GPAA1: variants seen among roughly 807,000 people sequenced by gnomAD.
GPAA1 encodes glycosylphosphatidylinositol anchor attachment 1.
A neutral mutation model predicts 64.0 loss-of-function variants in GPAA1; 54 were observed. The observed-to-expected ratio is 0.84, with a 90% CI of 0.68 to 1.06. The LOEUF is 1.06. Among genes scored for constraint, GPAA1 ranks in the 50% least tolerant of loss-of-function variants. The pLI is 0.00. For missense variants in GPAA1, 780 were observed against 822.3 expected, an observed-to-expected ratio of 0.95 and a Z score of 0.63; for synonymous variants, 393 against 377.3, an observed-to-expected ratio of 1.04 and a Z score of -0.48.
chr8:144,082,654 G>T lies in GPAA1; in HGVS notation c.-77G>T, dbSNP rs1050352054. On this transcript the variant is annotated 5_prime_UTR_variant, in exon 1 of 12. Transcript: ENST00000355091. The stretch of plus-strand genomic sequence containing the variant: ...CGGGCGAGCGCGGGTCCCCGGGTCT[G>T]ACAGGAGCAGCCTGTGGGCACCGCG... The T allele has an allele frequency of 2.3e-5, 25 of 1,097,134 alleles. No individual in the cohort carries two copies. The highest frequency in any genetic ancestry group is 1.4e-4 in the South Asian group (7 of 51,332). The allele number at this position is 1,097,134 out of a possible 1,614,324, so 68.0% of individuals were successfully genotyped here. A position where few individuals can be genotyped will look rare whatever the true frequency, so the allele number is the denominator to read the frequency against.
intron 3 of GPAA1, 94 bp from the exon 4 acceptor site, chr8:144,083,620 G>A: frequency 3.5e-6 from 5 of 1,429,446 alleles, no homozygotes; most frequent in South Asian, 1.2e-5. Context: ...GGAAATCCCT[G>A]GTGGGCACTG....
intron 4 of GPAA1, 21 bp from the exon 5 acceptor site, chr8:144,083,918 G>T: frequency 6.2e-7 from 1 of 1,613,230 alleles, no homozygotes; most frequent in Middle Eastern, 1.7e-4. Flanking sequence ...AGACCCTGCT[G>T]ATCCTGCTTC....
At position 144,085,346 on chromosome 8, in the gene GPAA1, G is replaced by A. The variant is rs977248690; in HGVS notation, c.1318G>A (p.Ala440Thr). The stretch of plus-strand genomic sequence containing the variant: ...GCTGATCTCACAGGCCATGGGACTG[G>A]CCCTCTATGTCCTGCCAGTGCTGGG... ...PLLISQAMGL[A>T]LYVLPVLGQH... Residue 440 changes from alanine to threonine, a missense_variant, in exon 10 of 12, where the codon GCC (alanine) becomes ACC (threonine). Transcript: ENST00000355091. 4 of 1,610,038 alleles carry A rather than the reference G, an allele frequency of 2.5e-6. No individual in the cohort carries two copies. The African/African-American group carries it at 5.3e-5, about 21-fold the overall frequency.
rs782123255 is a variant in GPAA1, at chr8:144,086,086, C to T, written c.1827C>T (p.Pro609=). The T allele has an allele frequency of 8.7e-6, 14 of 1,613,722 alleles. No individual in the cohort carries two copies. In the Admixed American group the frequency reaches 2.3e-4, roughly 27 times the overall value. ...CACTGCTGTCCCTGGGCCTCTACCC[C>T]TGCTGGCTGCTTTTCTGGAATGTGC... ...LFPLLSLGLY[P]CWLLFWNVLF... Residue 609 remains proline (P), a synonymous_variant, in exon 12 of 12, where the codon CCC becomes CCT. Transcript: ENST00000355091.
chr8:144,084,645 G>A (rs566066797), intron 7 of GPAA1, 36 bp downstream of exon 7: 3 of 1,605,856 alleles, frequency 1.9e-6, no homozygotes, highest in South Asian at 2.2e-5. Context: ...CCATGCCCAG[G>A]ATGGGGTCTA....
At chr8:144,085,214 G>A in intron 9 of GPAA1, 75 bp from the exon 10 acceptor site, 1 of 1,481,854 alleles carries the variant, frequency 6.7e-7, no homozygotes, top group Non-Finnish European at 9.2e-7. Context: ...CTTAGCCTCA[G>A]CTGGTGGGAT....
In GPAA1 at chr8:144,083,959, G is replaced by A. The variant is rs530359837; in HGVS notation, c.535G>A (p.Asp179Asn). The A allele has an allele frequency of 4.3e-6, 7 of 1,614,092 alleles. No homozygotes were observed. The highest frequency in any genetic ancestry group is 5.9e-6 in the Non-Finnish European group (7 of 1,179,980). The change falls in exon 5 of 12, where the codon GAT becomes AAT. Residue 179 changes from aspartate to asparagine, a missense_variant. Coordinates refer to ENST00000355091, the MANE Select transcript of GPAA1 (RefSeq NM_003801.4). The stretch of plus-strand genomic sequence containing the variant: ...TCCAGGGCAGATTTATTGGGCCAAA[G>A]ATATCGTCTTCCTGGTAACAGAACA... ...HFRGQIYWAK[D>N]IVFLVTEHDL...
At position 144,083,224 on chromosome 8, in the gene GPAA1, A is replaced by G. The variant is rs1554763780; in HGVS notation, c.175A>G (p.Met59Val). The G allele has an allele frequency of 4.3e-6, 7 of 1,611,052 alleles. No individual in the cohort carries two copies. Among genetic ancestry groups the G allele is most frequent in the Admixed American group, 1.7e-5 (1 of 59,884 alleles). Reference sequence around the variant, plus strand: ...GTCGGAGAACGCCATGGGCTCCACCATGGTGGAGGAGCAGTTTGCGGGCGG... The same window carrying G: ...GTCGGAGAACGCCATGGGCTCCACCGTGGTGGAGGAGCAGTTTGCGGGCGG... Reference protein sequence around the residue: ...YMSENAMGSTMVEEQFAGGDR... With the variant: ...YMSENAMGSTVVEEQFAGGDR... The change falls in exon 2 of 12, where the codon ATG becomes GTG. Residue 59 changes from methionine to valine, a missense_variant. Coordinates refer to ENST00000355091, the MANE Select transcript of GPAA1 (RefSeq NM_003801.4).
Position 144,084,547 on chromosome 8 carries a change from C to G in GPAA1, c.948C>G (p.Ala316=). Reference sequence around the variant, plus strand: ...TCTTCCTGCGCTACCGTGTGGAGGCCCTAACCCTGCGTGGCATCAATAGCT... The same window carrying G: ...TCTTCCTGCGCTACCGTGTGGAGGCGCTAACCCTGCGTGGCATCAATAGCT... ...HGLFLRYRVE[A]LTLRGINSFR... Residue 316 remains alanine (A), a synonymous_variant, in exon 7 of 12, where the codon GCC becomes GCG. Coordinates refer to ENST00000355091, the MANE Select transcript of GPAA1 (RefSeq NM_003801.4). The G allele has an allele frequency of 1.2e-6, 2 of 1,614,010 alleles. No individual in the cohort carries two copies. The highest frequency in any genetic ancestry group is 3.3e-4 in the Middle Eastern group (2 of 6,062).
At chr8:144,084,906 AC>A in intron 8 of GPAA1, 31 bp downstream of exon 8, 4 of 1,610,328 alleles carry the variant, frequency 2.5e-6, no homozygotes, top group Non-Finnish European at 3.4e-6. Context: ...TCTACCTGTG[AC>A]CAGCCTCCAG....
rs1835928039 is a variant in GPAA1 at position 144,082,687 on chromosome 8, T to C, written c.-44T>C. On this transcript the variant is annotated 5_prime_UTR_variant, in exon 1 of 12. Transcript: ENST00000355091. ...CAGCCTGTGGGCACCGCGGCGGTAG[T>C]TGGAGGCGGGAGAGGGTCCGTAGCC... 1.4e-5 allele frequency: 18 copies of C among 1,315,506 alleles called. No homozygotes were observed. Among genetic ancestry groups the C allele is most frequent in the Admixed American group, 3.0e-5 (1 of 33,344 alleles). The allele number at this position is 1,315,506 out of a possible 1,614,324, so 81.5% of individuals were successfully genotyped here. A position where few individuals can be genotyped will look rare whatever the true frequency, so the allele number is the denominator to read the frequency against.
Position 144,085,735 on chromosome 8 carries a change from T to G in GPAA1, c.1614T>G (p.His538Gln). 1.2e-6 allele frequency: 2 copies of G among 1,612,582 alleles called. No homozygotes were observed. The highest frequency in any genetic ancestry group is 1.7e-6 in the Non-Finnish European group (2 of 1,179,960). The change falls in exon 11 of 12, where the codon CAT becomes CAG. Residue 538 changes from histidine to glutamine, a missense_variant. By Grantham distance (24) the His-to-Gln change is conservative. Coordinates refer to ENST00000355091, the MANE Select transcript of GPAA1 (RefSeq NM_003801.4). ...MVPTAALAKP[H>Q]GPRTLYAALL... ...CCACTGCTGCGCTTGCCAAGCCTCA[T>G]GGGCCCCGGTATGTATGGATCAGCC...
chr8:144,083,654 GC>G (rs1835944913), intron 3 of GPAA1, 59 bp from the exon 4 acceptor site: 2 of 1,523,634 alleles, frequency 1.3e-6, no homozygotes, highest in African/African-American at 1.4e-5. Flanking sequence ...GTTGTGGGGG[GC>G]CCTTCAGCCC....
In GPAA1 at chr8:144,084,832, A is replaced by T; in HGVS notation, c.1121A>T (p.Tyr374Phe). The T allele has an allele frequency of 6.2e-7, 1 of 1,613,584 alleles. No homozygotes were observed. The highest frequency in any genetic ancestry group is 1.1e-5 in the South Asian group (1 of 91,086). ...GLSRFVSIGLYMPAVGFLLLV... is the reference protein window; with the variant it reads ...GLSRFVSIGLFMPAVGFLLLV... ...TCCCGCTTCGTCTCCATCGGCCTCT[A>T]CATGCCCGCTGTCGGCTTCTTGCTC... The change falls in exon 8 of 12, where the codon TAC (tyrosine) becomes TTC (phenylalanine). Residue 374 changes from tyrosine to phenylalanine, a missense_variant. Transcript: ENST00000355091.
rs782453969 is a variant in GPAA1 at position 144,085,499 on chromosome 8, G to A, written c.1451+20G>A. On this transcript the variant is annotated intron_variant, in intron 10 of 11. Coordinates refer to ENST00000355091, the MANE Select transcript of GPAA1 (RefSeq NM_003801.4). Reference sequence around the variant, plus strand: ...CCACCGGTAAGAGGCTGGGCTGGTTGTTGGGGGCAGGGGTAGAGGTCCCCT... The same window carrying A: ...CCACCGGTAAGAGGCTGGGCTGGTTATTGGGGGCAGGGGTAGAGGTCCCCT... 3.7e-6 allele frequency: 6 copies of A among 1,604,388 alleles called. No homozygotes were observed. Among genetic ancestry groups the A allele is most frequent in the Non-Finnish European group, 5.1e-6 (6 of 1,178,112 alleles).
rs536791533 is a variant in GPAA1 at position 144,083,569 on chromosome 8, A to C, written c.366+69A>C. On this transcript the variant is annotated intron_variant, in intron 3 of 11. Transcript: ENST00000355091. ...GAGGGAGGGGTCTGGGCTGGGTATCACCTTGCGGGGGTGTCATGGGGCCAG... is the reference window on the plus strand; with the variant it reads ...GAGGGAGGGGTCTGGGCTGGGTATCCCCTTGCGGGGGTGTCATGGGGCCAG... The C allele has an allele frequency of 2.1e-5, 31 of 1,443,528 alleles. No individual in the cohort carries two copies. The African/African-American group carries it at 3.9e-4, about 18-fold the overall frequency. The allele number at this position is 1,443,528 out of a possible 1,614,324, so 89.4% of individuals were successfully genotyped here.
At chr8:144,085,160 G>A in intron 9 of GPAA1, 22 bp downstream of exon 9, 1 of 1,501,510 alleles carries the variant, frequency 6.7e-7, no homozygotes, top group Non-Finnish European at 9.1e-7. Context: ...CCCTTCTGTT[G>A]TTGGAATGGG....
In GPAA1 at chr8:144,084,485, C is replaced by T. The variant is rs556111952; in HGVS notation, c.886C>T (p.Arg296Trp). The change falls in exon 7 of 12, where the codon CGG (arginine) becomes TGG (tryptophan). Residue 296 changes from arginine (R) to tryptophan (W), a missense_variant. Physicochemically the swap from Arg to Trp is moderately radical, Grantham distance 101. Transcript: ENST00000355091. ...GLQTLLLMVL[R>W]QASGRPHGSH... ...GCAGACACTGCTGCTCATGGTTCTG[C>T]GGCAGGCCTCCGGCCGCCCCCACGG... 30 of 1,613,270 alleles carry T rather than the reference C, an allele frequency of 1.9e-5. No individual in the cohort carries two copies. The highest frequency in any genetic ancestry group is 1.2e-4 in the Admixed American group (7 of 60,032).
At position 144,084,174 on chromosome 8, in the gene GPAA1, T is replaced by G; in HGVS notation, c.657T>G (p.Ile219Met). ...SSPLQGRAGA[I>M]QAAVALELSS... ...CCCTGCAGGGCCGAGCTGGGGCCATTCAGGCAGCCGTGGCCCTGGAGCTGA... is the reference window on the plus strand; with the variant it reads ...CCCTGCAGGGCCGAGCTGGGGCCATGCAGGCAGCCGTGGCCCTGGAGCTGA... The change falls in exon 6 of 12, where the codon ATT (isoleucine) becomes ATG (methionine). Residue 219 changes from isoleucine (I) to methionine (M), a missense_variant. Physicochemically the swap from Ile to Met is conservative, Grantham distance 10. Coordinates refer to ENST00000355091, the MANE Select transcript of GPAA1 (RefSeq NM_003801.4). The G allele has an allele frequency of 6.2e-7, 1 of 1,613,554 alleles. No homozygotes were observed. The highest frequency in any genetic ancestry group is 8.5e-7 in the Non-Finnish European group (1 of 1,180,016).
Sources: gnomAD v4.1 joint callset for allele counts on GRCh38, gnomAD v4.1.1 for gene constraint, MANE v1.5 for transcripts, NCBI Gene and HGNC (gene_info 2026-07-23, HGNC 2026-07-21) for gene names.